Variants in ANXA2 observed in about 807,000 individuals in gnomAD.
ANXA2 encodes the protein annexin A2, also known as annexin II.
ANXA2 carries 28 observed loss-of-function variants against 47.3 expected under a neutral mutation model. That is an observed-to-expected ratio of 0.59 (90% CI 0.44 to 0.81). The LOEUF is 0.81. ANXA2 is among the 40% of genes least tolerant of loss of function. The pLI is 0.00. For synonymous variants in ANXA2, 172 were observed against 155.5 expected, an observed-to-expected ratio of 1.11 and a Z score of -0.79; for missense variants, 384 against 414.3, an observed-to-expected ratio of 0.93 and a Z score of 0.64.
At chr15:60,350,683 G>A (rs1895968747) in intron 11 of ANXA2, among the ~76,000 whole-genome samples, 1 of 152,150 alleles carries the variant, frequency 6.6e-6, no homozygotes, top group Admixed American at 6.5e-5. Flanking sequence ...GCTGTCTTTG[G>A]GGTCTGATAG....
chr15:60,354,898 T>C (rs2062404579), intron 7 of ANXA2, among the ~76,000 whole-genome samples: 1 of 152,082 alleles, frequency 6.6e-6, no homozygotes, highest in Admixed American at 6.5e-5. Flanking sequence ...CCCACAGCAC[T>C]AGAAAGACAC....
intron 3 of ANXA2, among the ~76,000 whole-genome samples, chr15:60,381,678 C>T (rs946347448): frequency 2.0e-5 from 3 of 151,942 alleles, no homozygotes; most frequent in Non-Finnish European, 4.4e-5. Context: ...AGCTCCAGGC[C>T]TAAGGAGCAG....
In ANXA2 at chr15:60,351,271, A is replaced by C; in HGVS notation, c.779-20T>G. 1 of 1,613,582 alleles carries C rather than the reference A, an allele frequency of 6.2e-7. No individual in the cohort carries two copies. The highest frequency in any genetic ancestry group is 8.5e-7 in the Non-Finnish European group (1 of 1,179,474). On this transcript the variant is annotated intron_variant, in intron 10 of 12. Coordinates refer to ENST00000451270, the MANE Select transcript of ANXA2 (RefSeq NM_004039.3). The stretch of plus-strand genomic sequence containing the variant: ...ACTGAACTGTGGAGAGAAGAAAGGG[A>C]GTCAGCGCTGCAGCTGCTCTGGTCT...
intron 3 of ANXA2, among the ~76,000 whole-genome samples, chr15:60,368,511 G>A (rs1272829126): frequency 6.6e-6 from 1 of 151,612 alleles, no homozygotes; most frequent in African/African-American, 2.4e-5. Flanking sequence ...TAAAATGATG[G>A]CATGGAAGTA....
At chr15:60,371,523 G>A (rs1314190672) in intron 3 of ANXA2, among the ~76,000 whole-genome samples, 1 of 152,194 alleles carries the variant, frequency 6.6e-6, no homozygotes, top group African/African-American at 2.4e-5. Context: ...ATTGTCCATG[G>A]CAAGGCACCA....
At chr15:60,355,272 C>T (rs534516394) in intron 7 of ANXA2, among the ~76,000 whole-genome samples, 2 of 152,050 alleles carry the variant, frequency 1.3e-5, no homozygotes, top group South Asian at 2.1e-4. Flanking sequence ...CAGGTGGTAG[C>T]GAAGAGAGGA....
intron 1 of ANXA2, among the ~76,000 whole-genome samples, chr15:60,388,203 A>G (rs1485373366): frequency 6.6e-6 from 1 of 152,040 alleles, no homozygotes; most frequent in South Asian, 2.1e-4. Flanking sequence ...AAAAAAAAAG[A>G]CAATTTAGAA....
Position 60,357,238 on chromosome 15 carries a change from T to G in ANXA2, c.358-2A>C, listed in dbSNP as rs758715993. Reference sequence around the variant, plus strand: ...AGAGTCCTCGTCGGTTCCCAGCCCCTGTGAACCAGGAAGCACGAACATCAG... The same window carrying G: ...AGAGTCCTCGTCGGTTCCCAGCCCCGGTGAACCAGGAAGCACGAACATCAG... On this transcript the variant is annotated splice_acceptor_variant, in intron 5 of 12. Transcript: ENST00000451270. LOFTEE classifies it high-confidence loss of function. The G allele has an allele frequency of 6.2e-7, 1 of 1,613,730 alleles. No homozygotes were observed.
At chr15:60,385,757 G>C (rs1273331651) in intron 2 of ANXA2, 2 of 375,328 alleles carry the variant, frequency 5.3e-6, no homozygotes, top group African/African-American at 4.1e-5. Flanking sequence ...CCAATGACAT[G>C]CTAAGTATGG....
At chr15:60,376,705 G>C (rs2062784595) in intron 3 of ANXA2, among the ~76,000 whole-genome samples, 1 of 152,172 alleles carries the variant, frequency 6.6e-6, no homozygotes, top group Non-Finnish European at 1.5e-5. Flanking sequence ...TGTGAGAACA[G>C]CCTTCGTGAC....
intron 1 of ANXA2, chr15:60,396,468 G>A (rs899747147): frequency 2.0e-5 from 3 of 151,956 alleles, no homozygotes; most frequent in Admixed American, 1.3e-4. Context: ...TGGAACAGGG[G>A]CAAAGACATA....
intron 3 of ANXA2, among the ~76,000 whole-genome samples, chr15:60,366,673 G>A (rs2062612910): frequency 7.0e-6 from 1 of 142,602 alleles, no homozygotes; most frequent in African/African-American, 2.6e-5. Context: ...CGGGAGGGAG[G>A]TGGGGGGGGT....
At chr15:60,376,961 C>T (rs2062787639) in intron 3 of ANXA2, among the ~76,000 whole-genome samples, 1 of 152,206 alleles carries the variant, frequency 6.6e-6, no homozygotes, top group Non-Finnish European at 1.5e-5. Context: ...CTCACACACA[C>T]GTGTGTACAC....
intron 1 of ANXA2, among the ~76,000 whole-genome samples, chr15:60,388,328 T>G (rs781606492): frequency 2.4e-4 from 36 of 152,172 alleles, no homozygotes; most frequent in Non-Finnish European, 4.1e-4. Flanking sequence ...GTAAAGGACA[T>G]TCTGAATTTT....
At chr15:60,384,036 T>G (rs1490275346) in intron 2 of ANXA2, 1 of 152,242 alleles carries the variant, frequency 6.6e-6, no homozygotes, top group Non-Finnish European at 1.5e-5. Flanking sequence ...TAACCTGACA[T>G]GCAATGCATT....
intron 2 of ANXA2, chr15:60,384,334 G>C (rs1304761148): frequency 6.6e-6 from 1 of 152,210 alleles, no homozygotes; most frequent in Non-Finnish European, 1.5e-5. Context: ...CAGTGAGGGG[G>C]AAAAGTTTTG....
At chr15:60,354,741 C>A (rs554915507) in intron 7 of ANXA2, among the ~76,000 whole-genome samples, 6 of 152,198 alleles carry the variant, frequency 3.9e-5, no homozygotes, top group Admixed American at 6.5e-5. Context: ...ACAATCCCCC[C>A]CTTGATACCC....
intron 5 of ANXA2, among the ~76,000 whole-genome samples, chr15:60,358,450 T>G (rs1162840813): frequency 6.6e-6 from 1 of 152,238 alleles, no homozygotes; most frequent in African/African-American, 2.4e-5. Flanking sequence ...TGTAAATCAA[T>G]TATAAGGTGT....
intron 2 of ANXA2, 52 bp from the exon 3 acceptor site, chr15:60,382,493 G>T: frequency 7.6e-7 from 1 of 1,310,698 alleles, no homozygotes; most frequent in Non-Finnish European, 1.1e-6. Context: ...AAATCCTCTT[G>T]TTGAAATAAC....
Sources: gnomAD v4.1 joint callset for allele counts (sites outside exome capture counted in the v4.1 genomes callset) on GRCh38, gnomAD v4.1.1 for gene constraint, MANE v1.5 for transcripts, NCBI Gene and HGNC (gene_info 2026-07-23, HGNC 2026-07-21) for gene names.